SDCCAG8: variants seen among roughly 807,000 people sequenced by gnomAD.
SDCCAG8 encodes SHH signaling and ciliogenesis regulator SDCCAG8.
In SDCCAG8, 74 loss-of-function variants were observed where a neutral mutation model predicts 101.8. The observed-to-expected ratio is 0.73, with a 90% CI of 0.60 to 0.88. The LOEUF is 0.88. Ranked by LOEUF, SDCCAG8 falls within the 40% of genes least tolerant of loss-of-function variation. The probability of loss-of-function intolerance (pLI) is 0.00; values close to 1 mark genes in which losing one functional copy is unlikely to be tolerated. For missense variants in SDCCAG8, 787 were observed against 822.6 expected (o/e 0.96, Z 0.53); for synonymous variants, 281 against 292.9 (o/e 0.96, Z 0.41).
At chr1:243,475,417 G>T (rs915045256) in intron 16 of SDCCAG8, among the ~76,000 whole-genome samples, 5 of 152,096 alleles carry the variant, frequency 3.3e-5, no homozygotes, top group African/African-American at 1.2e-4. Context: ...TACTGTAACC[G>T]GGAGCAGCCT....
chr1:243,325,004 C>T (rs183534218), intron 9 of SDCCAG8, among the ~76,000 whole-genome samples: 245 of 152,250 alleles, frequency 1.6e-3, no homozygotes, highest in Admixed American at 2.6e-3. Flanking sequence ...TGAAGTTTTC[C>T]CCAGCCCCTT....
chr1:243,448,219 C>G (rs1163222234), intron 16 of SDCCAG8, among the ~76,000 whole-genome samples: 1 of 152,202 alleles, frequency 6.6e-6, no homozygotes, highest in African/African-American at 2.4e-5. Context: ...TAGACAGAAA[C>G]AGGTCCTCCA....
chr1:243,321,731 C>T (rs2073774087), intron 9 of SDCCAG8, among the ~76,000 whole-genome samples: 1 of 152,134 alleles, frequency 6.6e-6, no homozygotes. Context: ...TTCACTGTAA[C>T]CTCCGCCTCC....
At chr1:243,422,602 C>T (rs1385617066) in intron 15 of SDCCAG8, among the ~76,000 whole-genome samples, 1 of 152,144 alleles carries the variant, frequency 6.6e-6, no homozygotes, top group African/African-American at 2.4e-5. Context: ...GAAGAACACA[C>T]ACCCGGTTGA....
chr1:243,325,386 G>C lies in SDCCAG8; in HGVS notation c.1069-5154G>C, dbSNP rs150812927. Among the ~76,000 whole-genome samples, 1,023 of 151,990 alleles carry C rather than the reference G, an allele frequency of 6.7e-3. 12 individuals carry two copies. The highest frequency in any genetic ancestry group is 0.024 in the African/African-American group (974 of 41,416). On this transcript the variant is annotated intron_variant, in intron 9 of 17. Coordinates refer to ENST00000366541, the MANE Select transcript of SDCCAG8 (RefSeq NM_006642.5). The stretch of plus-strand genomic sequence containing the variant: ...TATGTTGAAACACACTAGAATTTTT[G>C]CTTTCTAAGTGCATTAAAAAGCCAG...
At chr1:243,420,227 C>T (rs1040045236) in intron 15 of SDCCAG8, among the ~76,000 whole-genome samples, 3 of 152,170 alleles carry the variant, frequency 2.0e-5, no homozygotes, top group Admixed American at 6.5e-5. Context: ...TTCCCCAAAC[C>T]TCAGCTTCTC....
chr1:243,321,548 A>G (rs2073756617), intron 9 of SDCCAG8, among the ~76,000 whole-genome samples: 1 of 152,238 alleles, frequency 6.6e-6, no homozygotes, highest in Non-Finnish European at 1.5e-5. Context: ...ATGTTGCTGC[A>G]AAGCACATGA....
intron 9 of SDCCAG8, among the ~76,000 whole-genome samples, chr1:243,321,138 G>A (rs1211512239): frequency 6.6e-6 from 1 of 151,024 alleles, no homozygotes; most frequent in Non-Finnish European, 1.5e-5. Context: ...AACTGAAGAT[G>A]TCTCCATACA....
chr1:243,270,253 T>C lies in SDCCAG8; in HGVS notation c.216T>C (p.His72=), dbSNP rs2149263160. ...CCTGGCCCGAATTACAACAGAGCCA[T>C]GCTGGTGAGTGTGAATGTCAATCCT... ...RTAWPELQQS[H]AVNQLKDLLR... The change falls in exon 2 of 18, where the codon CAT becomes CAC. Residue 72 remains histidine, a synonymous_variant. Transcript: ENST00000366541. 1 of 1,614,068 alleles carries C rather than the reference T, an allele frequency of 6.2e-7. No homozygotes were observed. Among genetic ancestry groups the C allele is most frequent in the Non-Finnish European group, 8.5e-7 (1 of 1,179,982 alleles).
intron 7 of SDCCAG8, chr1:243,306,282 C>T (rs1204519863): frequency 6.6e-6 from 1 of 151,458 alleles, no homozygotes; most frequent in Non-Finnish European, 1.5e-5. Flanking sequence ...TGTTTTTTGT[C>T]CTATTTTATT....
intron 11 of SDCCAG8, among the ~76,000 whole-genome samples, chr1:243,342,094 C>T (rs2075410886): frequency 6.6e-6 from 1 of 152,120 alleles, no homozygotes; most frequent in East Asian, 1.9e-4. Flanking sequence ...TTTAAAAATT[C>T]CTATTAGCTA....
chr1:243,484,331 C>T (rs1664354043), intron 16 of SDCCAG8, among the ~76,000 whole-genome samples: 1 of 152,240 alleles, frequency 6.6e-6, no homozygotes, highest in Non-Finnish European at 1.5e-5. Flanking sequence ...AGTGGGAAGG[C>T]CCCGCCCCTG....
intron 12 of SDCCAG8, among the ~76,000 whole-genome samples, chr1:243,367,039 A>G (rs2077027905): frequency 6.6e-6 from 1 of 152,108 alleles, no homozygotes; most frequent in Non-Finnish European, 1.5e-5. Flanking sequence ...ATTTTATTAT[A>G]TTTTATTTTT....
intron 10 of SDCCAG8, among the ~76,000 whole-genome samples, chr1:243,332,686 A>G (rs534842217): frequency 3.7e-4 from 56 of 150,826 alleles, no homozygotes; most frequent in Middle Eastern, 3.3e-3. Flanking sequence ...ATCGCAGTCC[A>G]GGTCTGGAGG....
At chr1:243,409,048 CA>C (rs1477102203) in intron 13 of SDCCAG8, among the ~76,000 whole-genome samples, 1 of 152,124 alleles carries the variant, frequency 6.6e-6, no homozygotes, top group Non-Finnish European at 1.5e-5. Flanking sequence ...CATTGCCTCT[CA>C]AGGTGTCATC....
intron 17 of SDCCAG8, 153 bp from the exon 18 acceptor site, chr1:243,499,603 C>A: frequency 1.4e-6 from 1 of 705,440 alleles, no homozygotes. Context: ...AGATGAGGCA[C>A]AAACTTTTCA....
In SDCCAG8 at chr1:243,341,128, G is replaced by T; in HGVS notation, c.1311G>T (p.Glu437Asp). 2 of 1,614,100 alleles carry T rather than the reference G, an allele frequency of 1.2e-6. No homozygotes were observed. The highest frequency in any genetic ancestry group is 1.7e-6 in the Non-Finnish European group (2 of 1,179,980). ...KEKISAINQL[E>D]EIQSQLASRE... ...AGATTTCAGCTATTAATCAACTGGA[G>T]GAAATTCAAAGCCAGCTGGCTTCTC... Residue 437 changes from glutamate to aspartate, a missense_variant, in exon 11 of 18, where the codon GAG becomes GAT. Physicochemically the swap from Glu to Asp is conservative, Grantham distance 45. Coordinates refer to ENST00000366541, the MANE Select transcript of SDCCAG8 (RefSeq NM_006642.5).
intron 13 of SDCCAG8, among the ~76,000 whole-genome samples, chr1:243,389,613 T>G (rs2078573472): frequency 1.3e-5 from 2 of 152,210 alleles, no homozygotes. Context: ...TTCTAGTAAT[T>G]CATTTTTATT....
At chr1:243,286,183 G>T in intron 4 of SDCCAG8, 89 bp from the exon 5 acceptor site, 1 of 1,308,224 alleles carries the variant, frequency 7.6e-7, no homozygotes, top group Non-Finnish European at 1.1e-6. Context: ...TAAGTCTTCC[G>T]TACTTTATAT....
Sources: allele counts gnomAD v4.1 joint callset (sites outside exome capture counted in the v4.1 genomes callset), GRCh38; gene constraint gnomAD v4.1.1; transcripts MANE v1.5; gene names NCBI Gene and HGNC (gene_info 2026-07-23, HGNC 2026-07-21).